The following NPEPL1 variants were observed in gnomAD, a reference collection of about 807,000 sequenced individuals.
The protein encoded by NPEPL1 is aminopeptidase like 1, also known as probable aminopeptidase NPEPL1.
A neutral mutation model predicts 52.4 loss-of-function variants in NPEPL1; 45 were observed. The observed-to-expected ratio is 0.86, with a 90% CI of 0.68 to 1.10. The LOEUF is 1.10. Among genes scored for constraint, NPEPL1 ranks in the 50% least tolerant of loss-of-function variants. NPEPL1 has a pLI of 0.00. For synonymous variants in NPEPL1, 360 were observed against 314.7 expected (o/e 1.14, Z -1.52); for missense variants, 696 against 710.9 (o/e 0.98, Z 0.24).
intron 3 of NPEPL1, 26 bp downstream of exon 3, chr20:58,694,618 G>A (rs1451938958): frequency 6.3e-7 from 1 of 1,588,296 alleles, no homozygotes; most frequent in African/African-American, 1.3e-5. Flanking sequence ...GGCAGACACT[G>A]CCCCTGGGCC....
At chr20:58,693,225 C>T in intron 1 of NPEPL1, 175 bp downstream of exon 1, 1 of 320,902 alleles carries the variant, frequency 3.1e-6, no homozygotes, top group Non-Finnish European at 4.5e-6. Flanking sequence ...CGCGGAGGCC[C>T]AGCCCCAGGC....
intron 7 of NPEPL1, among the ~76,000 whole-genome samples, chr20:58,707,783 G>T (rs1910410138): frequency 6.6e-6 from 1 of 152,152 alleles, no homozygotes; most frequent in Non-Finnish European, 1.5e-5. Flanking sequence ...GCCATAAAAA[G>T]TGCTTATTAA....
At chr20:58,709,061 G>A in intron 7 of NPEPL1, among the ~76,000 whole-genome samples, 1 of 151,708 alleles carries the variant, frequency 6.6e-6, no homozygotes, top group East Asian at 1.9e-4. Flanking sequence ...AATGATCACA[G>A]ATTCATCAGG....
chr20:58,696,313 C>T (rs985631754), intron 3 of NPEPL1, among the ~76,000 whole-genome samples: 9 of 152,228 alleles, frequency 5.9e-5, no homozygotes, highest in Non-Finnish European at 1.3e-4. Flanking sequence ...ACATTCCCTC[C>T]CCAGGGAGGC....
chr20:58,692,022 CTGAGGTGA>C, upstream of NPEPL1: 5 of 603,192 alleles, frequency 8.3e-6, no homozygotes, highest in East Asian at 2.8e-5. The surrounding 1 kb of genome is among the most constrained non-coding windows in gnomAD (Gnocchi z 5.7). Context: ...TGTAAGGCGA[CTGAGGTGA>C]CTCAGGTCAC....
chr20:58,713,697 G>A lies in NPEPL1; in HGVS notation c.1125+154G>A. ...GCAGGAGGAGCTGCCCGTCAAGCTT[G>A]GTGTGGGCAGTACCGAGGCCCAGGC... is the stretch of plus-strand genomic sequence containing the variant. On this transcript the variant is annotated intron_variant, in intron 9 of 11. Coordinates refer to ENST00000356091, the MANE Select transcript of NPEPL1 (RefSeq NM_024663.4). The surrounding 1 kb of genome is among the most constrained non-coding windows in gnomAD (Gnocchi z 4.6). 1 of 1,201,110 alleles carries A rather than the reference G, an allele frequency of 8.3e-7. No homozygotes were observed. The highest frequency in any genetic ancestry group is 1.1e-6 in the Non-Finnish European group (1 of 888,770). 74.4% of individuals were successfully genotyped at this position (1,201,110 alleles called of 1,614,324 possible). A position where few individuals can be genotyped will look rare whatever the true frequency, so the allele number is the denominator to read the frequency against.
At chr20:58,693,709 T>C (rs752556120) in intron 1 of NPEPL1, 28 bp from the exon 2 acceptor site, 2 of 1,577,570 alleles carry the variant, frequency 1.3e-6, no homozygotes, top group Admixed American at 3.5e-5. Context: ...TTGAAGCCTC[T>C]GTGTCTTGTC....
chr20:58,712,657 C>A, intron 8 of NPEPL1, 78 bp downstream of exon 8: 1 of 1,034,488 alleles, frequency 9.7e-7, no homozygotes, highest in Non-Finnish European at 1.5e-6. Context: ...CCAGCTCACT[C>A]CAGGCATATC....
intron 6 of NPEPL1, among the ~76,000 whole-genome samples, chr20:58,706,913 C>T (rs1188390010): frequency 2.0e-5 from 3 of 152,202 alleles, no homozygotes; most frequent in Non-Finnish European, 4.4e-5. Flanking sequence ...ATGGCCATGA[C>T]TCCCTGTTGC....
In NPEPL1 at chr20:58,707,114, C is replaced by T. The variant is rs1018607000; in HGVS notation, c.823-9C>T. The T allele has an allele frequency of 2.6e-5, 40 of 1,550,826 alleles. No homozygotes were observed. Among genetic ancestry groups the T allele is most frequent in the Non-Finnish European group, 3.3e-5 (38 of 1,147,046 alleles). On this transcript the variant is annotated splice_polypyrimidine_tract_variant and intron_variant, in intron 6 of 11. Transcript: ENST00000356091. ...CACCTTTGTCCTGGTCCCTTTGTAC[C>T]ACCCGCAGACTACCATGCCGGGGAT...
chr20:58,692,643 AGGGCCTGCTCG>A (rs1444070480), upstream of NPEPL1: 2 of 217,712 alleles, frequency 9.2e-6, no homozygotes, highest in Non-Finnish European at 1.5e-5. This position sits in a 1 kb window ranked among gnomAD's most constrained non-coding sequence, Gnocchi z 5.7. Context: ...CCTACTCGGC[AGGGCCTGCTCG>A]GGGCCGGCTT....
chr20:58,693,688 G>A (rs761954402), intron 1 of NPEPL1, 49 bp from the exon 2 acceptor site: 2 of 1,534,600 alleles, frequency 1.3e-6, no homozygotes, highest in Non-Finnish European at 1.8e-6. Flanking sequence ...CTCCTGGCAC[G>A]TGGCCGCTGT....
rs2084905271 is a variant in NPEPL1, at chr20:58,713,923, G to A, written c.1132G>A (p.Ala378Thr). The change falls in exon 10 of 12, where the codon GCC (alanine) becomes ACC (threonine). Residue 378 changes from alanine (A) to threonine (T), a missense_variant. By Grantham distance (58) the Ala-to-Thr change is moderately conservative. Coordinates refer to ENST00000356091, the MANE Select transcript of NPEPL1 (RefSeq NM_024663.4). The surrounding 1 kb of genome is among the most constrained non-coding windows in gnomAD (Gnocchi z 4.6). ...MATLTGAQGI[A>T]TGKYHAAVLT... Reference sequence around the variant, plus strand: ...CGGGTTCCTGCCCGCCCAGGGCATTGCCACAGGGAAGTACCACGCCGCGGT... The same window carrying A: ...CGGGTTCCTGCCCGCCCAGGGCATTACCACAGGGAAGTACCACGCCGCGGT... 1.4e-6 allele frequency: 2 copies of A among 1,475,616 alleles called. No homozygotes were observed. The highest frequency in any genetic ancestry group is 1.4e-5 in the African/African-American group (1 of 69,272). 91.4% of individuals were successfully genotyped at this position (1,475,616 alleles called of 1,614,324 possible). A position where few individuals can be genotyped will look rare whatever the true frequency, so the allele number is the denominator to read the frequency against.
At chr20:58,712,840 C>T (rs2084880968) in intron 8 of NPEPL1, 2 of 550,882 alleles carry the variant, frequency 3.6e-6, no homozygotes, top group South Asian at 1.8e-5. Context: ...CCTGCATTAC[C>T]AGGACAGGTC....
intron 6 of NPEPL1, among the ~76,000 whole-genome samples, chr20:58,702,601 ATGTT>A (rs375557139): frequency 1.4e-4 from 21 of 152,122 alleles, no homozygotes; most frequent in African/African-American, 4.6e-4. Context: ...GGTGGAATGA[ATGTT>A]TGTTTCTGGC....
intron 7 of NPEPL1, among the ~76,000 whole-genome samples, chr20:58,708,153 T>G (rs1568857695): frequency 1.3e-5 from 2 of 152,308 alleles, no homozygotes; most frequent in Middle Eastern, 6.8e-3. Context: ...CCTACCTTTC[T>G]CAGGCCAGCA....
chr20:58,709,028 T>A (rs2084786851), intron 7 of NPEPL1, among the ~76,000 whole-genome samples: 1 of 152,168 alleles, frequency 6.6e-6, no homozygotes, highest in South Asian at 2.1e-4. Context: ...TTGAATTCCC[T>A]GTTCACAGGA....
At chr20:58,695,384 G>A (rs899581596) in intron 3 of NPEPL1, among the ~76,000 whole-genome samples, 1 of 116,354 alleles carries the variant, frequency 8.6e-6, no homozygotes, top group African/African-American at 3.2e-5. Context: ...TTCTACATGT[G>A]TTATTTCACT....
chr20:58,699,134 T>C lies in NPEPL1; in HGVS notation c.598-63T>C. ...TTCATCCCTGGCCCCAGCCTCGGCC[T>C]CTCCTGTTTCCAGCCATCTTCATGT... On this transcript the variant is annotated intron_variant, in intron 4 of 11. Coordinates refer to ENST00000356091, the MANE Select transcript of NPEPL1 (RefSeq NM_024663.4). The C allele has an allele frequency of 2.7e-6, 4 of 1,463,784 alleles. No individual in the cohort carries two copies. In the South Asian group the frequency reaches 4.9e-5, roughly 18 times the overall value. The allele number at this position is 1,463,784 out of a possible 1,614,324, so 90.7% of individuals were successfully genotyped here.
Sources: allele counts gnomAD v4.1 joint callset (sites outside exome capture counted in the v4.1 genomes callset), GRCh38; gene constraint gnomAD v4.1.1; non-coding constraint Gnocchi (gnomAD v3.1); transcripts MANE v1.5; gene names NCBI Gene and HGNC (gene_info 2026-07-23, HGNC 2026-07-21).